Variants in UTP15 observed in about 807,000 individuals in gnomAD.
The protein encoded by UTP15 is UTP15 small subunit processome component.
Under a neutral mutation model 59.1 loss-of-function variants are expected in UTP15, and 5 were observed. The observed-to-expected ratio is 0.08, with a 90% CI of 0.04 to 0.18. The LOEUF (loss-of-function observed/expected upper bound fraction) is 0.18, where lower values mean the gene tolerates loss of function less well. UTP15 is among the 10% of genes least tolerant of loss of function. The pLI, the probability that UTP15 is intolerant of heterozygous loss-of-function variation, is 1.00. For synonymous variants in UTP15, 211 were observed against 212.2 expected, an observed-to-expected ratio of 0.99 and a Z score of 0.05; for missense variants, 494 against 616.7, an observed-to-expected ratio of 0.80 and a Z score of 2.11.
At position 73,579,387 on chromosome 5, in the gene UTP15, T is replaced by G. The variant is rs201155824; in HGVS notation, c.1339+12T>G. 705 of 1,591,222 alleles carry G rather than the reference T, an allele frequency of 4.4e-4. No individual in the cohort carries two copies. Among genetic ancestry groups the G allele is most frequent in the Non-Finnish European group, 5.2e-4 (611 of 1,169,154 alleles). On this transcript the variant is annotated intron_variant, in intron 12 of 12. Coordinates refer to ENST00000296792, the MANE Select transcript of UTP15 (RefSeq NM_032175.4). ...TGAAATAATTATTGGTAAGTCATTG[T>G]TAAAACTTGAAAATCCTAACATGCT...
At chr5:73,570,510 A>T in intron 5 of UTP15, 76 bp from the exon 6 acceptor site, 1 of 1,464,878 alleles carries the variant, frequency 6.8e-7, no homozygotes, top group African/African-American at 1.4e-5. Flanking sequence ...TTTTCCTTTT[A>T]AAATTTATAT....
In UTP15 at chr5:73,565,783, C is replaced by G. The variant is rs1456160974; in HGVS notation, c.-213C>G. The G allele has an allele frequency of 4.4e-6, 2 of 456,172 alleles. No individual in the cohort carries two copies. The highest frequency in any genetic ancestry group is 1.5e-5 in the South Asian group (1 of 64,572). 28.3% of individuals were successfully genotyped at this position (456,172 alleles called of 1,614,324 possible). A position where few individuals can be genotyped will look rare whatever the true frequency, so the allele number is the denominator to read the frequency against. On this transcript the variant is annotated 5_prime_UTR_variant, in exon 1 of 13. Transcript: ENST00000296792. ...GACGTTCGGTTCGCTGTGTGTGTCG[C>G]CGGCTCCTTGAGGGTCCATGTGATT...
chr5:73,577,760 G>C, intron 8 of UTP15, 96 bp from the exon 9 acceptor site: 3 of 1,063,016 alleles, frequency 2.8e-6, no homozygotes, highest in Non-Finnish European at 4.0e-6. Flanking sequence ...TGAATGTATG[G>C]ACAAGCAGCA....
At position 73,580,517 on chromosome 5, in the gene UTP15, C is replaced by T. The variant is rs1748269615; in HGVS notation, c.*423C>T. The T allele has an allele frequency of 6.5e-6, 1 of 154,110 alleles. No homozygotes were observed. The highest frequency in any genetic ancestry group is 2.4e-5 in the African/African-American group (1 of 41,484). 9.5% of individuals were successfully genotyped at this position (154,110 alleles called of 1,614,324 possible). On this transcript the variant is annotated 3_prime_UTR_variant, in exon 13 of 13. Coordinates refer to ENST00000296792, the MANE Select transcript of UTP15 (RefSeq NM_032175.4). ...AGACAACAAAAACAATTGGCAACAA[C>T]AAAAAGCCTCTTTCTTGACTTTAAT...
chr5:73,573,358 G>A (rs1048001526), intron 7 of UTP15, among the ~76,000 whole-genome samples: 1 of 148,242 alleles, frequency 6.7e-6, no homozygotes, highest in East Asian at 2.0e-4. Flanking sequence ...AGCGATTCTC[G>A]TGACCCAGCC....
chr5:73,576,948 T>C lies in UTP15; in HGVS notation c.810-4T>C. 3 of 1,573,164 alleles carry C rather than the reference T, an allele frequency of 1.9e-6. No homozygotes were observed. The highest frequency in any genetic ancestry group is 2.6e-6 in the Non-Finnish European group (3 of 1,166,342). On this transcript the variant is annotated splice_polypyrimidine_tract_variant and splice_region_variant and intron_variant, in intron 7 of 12. Coordinates refer to ENST00000296792, the MANE Select transcript of UTP15 (RefSeq NM_032175.4). Reference sequence around the variant, plus strand: ...TTTTTGACAAAGCTTTTCCTTTTTATTAGGAAGGTGAAAGTATACAGCACA... The same window carrying C: ...TTTTTGACAAAGCTTTTCCTTTTTACTAGGAAGGTGAAAGTATACAGCACA...
At chr5:73,577,824 A>G (rs1260306458) in intron 8 of UTP15, 32 bp from the exon 9 acceptor site, 12 of 1,558,528 alleles carry the variant, frequency 7.7e-6, no homozygotes, top group East Asian at 2.3e-5. Flanking sequence ...CGAGTTAAGA[A>G]TAGACTAACT....
intron 4 of UTP15, among the ~76,000 whole-genome samples, chr5:73,569,191 A>G (rs1167519426): frequency 6.6e-6 from 1 of 152,214 alleles, no homozygotes; most frequent in Non-Finnish European, 1.5e-5. Context: ...TTGAAATTTT[A>G]AAAATTAAAG....
chr5:73,566,874 G>C (rs530367807), intron 1 of UTP15, among the ~76,000 whole-genome samples: 6 of 152,166 alleles, frequency 3.9e-5, no homozygotes, highest in African/African-American at 1.4e-4. Context: ...AATTGTTATA[G>C]ATTAAATGTC....
At chr5:73,578,150 T>C (rs1748158298) in intron 9 of UTP15, 145 bp downstream of exon 9, 2 of 774,360 alleles carry the variant, frequency 2.6e-6, no homozygotes, top group South Asian at 1.9e-5. Context: ...GATTGCTAGA[T>C]TGGGGACATT....
intron 6 of UTP15, 150 bp from the exon 7 acceptor site, chr5:73,572,339 T>C (rs1747955044): frequency 1.2e-6 from 1 of 839,948 alleles, no homozygotes; most frequent in Middle Eastern, 3.6e-4. Flanking sequence ...CAGGAAGTGG[T>C]GCATCCAGGA....
At position 73,570,678 on chromosome 5, in the gene UTP15, C is replaced by T; in HGVS notation, c.640C>T (p.Leu214Phe). The T allele has an allele frequency of 1.2e-6, 2 of 1,614,206 alleles. No individual in the cohort carries two copies. Among genetic ancestry groups the T allele is most frequent in the Admixed American group, 1.7e-5 (1 of 60,026 alleles). ...TGGGCAGCCAGTGGAGAGTGTCCTA[C>T]TTTTCCCCTCTGGAGGTCTTCTGGT... is the stretch of plus-strand genomic sequence containing the variant. ...EHGQPVESVL[L>F]FPSGGLLVSA... The change falls in exon 6 of 13, where the codon CTT becomes TTT. Residue 214 changes from leucine (L) to phenylalanine (F), a missense_variant. Coordinates refer to ENST00000296792, the MANE Select transcript of UTP15 (RefSeq NM_032175.4).
chr5:73,572,726 A>G, intron 7 of UTP15, 102 bp downstream of exon 7: 1 of 1,184,668 alleles, frequency 8.4e-7, no homozygotes, highest in Admixed American at 2.6e-5. Flanking sequence ...TATACAGATA[A>G]TGATTTCCAG....
intron 2 of UTP15, among the ~76,000 whole-genome samples, chr5:73,567,854 T>C (rs990196931): frequency 2.0e-5 from 3 of 152,222 alleles, no homozygotes; most frequent in African/African-American, 7.2e-5. Context: ...TAATATGTGT[T>C]ACTAAGTGAA....
intron 1 of UTP15, among the ~76,000 whole-genome samples, chr5:73,567,023 G>A (rs1747796543): frequency 6.6e-6 from 1 of 152,184 alleles, no homozygotes. Flanking sequence ...ATTCCTAAGT[G>A]TTGTAAAATG....
At position 73,579,048 on chromosome 5, in the gene UTP15, C is replaced by T. The variant is rs769455349; in HGVS notation, c.1178C>T (p.Thr393Met). Reference protein sequence around the residue: ...PTCTIKTPEITVSIIKELNRR... With the variant: ...PTCTIKTPEIMVSIIKELNRR... ...TGTACAATAAAGACACCCGAGATTA[C>T]GGTGTCCATCATAAAGGAGTTAAAT... The change falls in exon 11 of 13, where the codon ACG becomes ATG. Residue 393 changes from threonine (T) to methionine (M), a missense_variant. Coordinates refer to ENST00000296792, the MANE Select transcript of UTP15 (RefSeq NM_032175.4). 4.2e-5 allele frequency: 68 copies of T among 1,613,620 alleles called. No homozygotes were observed. Among genetic ancestry groups the T allele is most frequent in the Non-Finnish European group, 5.4e-5 (64 of 1,179,836 alleles).
At chr5:73,578,240 T>G in intron 9 of UTP15, 1 of 428,654 alleles carries the variant, frequency 2.3e-6, no homozygotes, top group Non-Finnish European at 4.1e-6. Flanking sequence ...TTTACTGCAT[T>G]CAAAATAATG....
chr5:73,577,725 A>C, intron 8 of UTP15, 131 bp from the exon 9 acceptor site: 1 of 728,428 alleles, frequency 1.4e-6, no homozygotes, highest in Admixed American at 3.5e-5. Flanking sequence ...TAGGCAGACT[A>C]TGTGTATTTG....
rs201981884 is a variant in UTP15, at chr5:73,569,507, A to G, written c.379A>G (p.Thr127Ala). 3.5e-5 allele frequency: 57 copies of G among 1,607,118 alleles called. No homozygotes were observed. The highest frequency in any genetic ancestry group is 4.6e-5 in the Non-Finnish European group (54 of 1,176,926). Reference sequence around the variant, plus strand: ...CCTTCAATCTTTCAGAGCAGTTCATACAGTAGATTTTACAGCTGACAAATA... The same window carrying G: ...CCTTCAATCTTTCAGAGCAGTTCATGCAGTAGATTTTACAGCTGACAAATA... ...QFEGHTKAVH[T>A]VDFTADKYHV... The change falls in exon 5 of 13, where the codon ACA becomes GCA. Residue 127 changes from threonine to alanine, a missense_variant. By Grantham distance (58) the Thr-to-Ala change is moderately conservative (BLOSUM62 0). Coordinates refer to ENST00000296792, the MANE Select transcript of UTP15 (RefSeq NM_032175.4).
Sources: allele counts gnomAD v4.1 joint callset (sites outside exome capture counted in the v4.1 genomes callset), GRCh38; gene constraint gnomAD v4.1.1; transcripts MANE v1.5; gene names NCBI Gene and HGNC (gene_info 2026-07-23, HGNC 2026-07-21).